XCR1: variants seen among roughly 807,000 people sequenced by gnomAD.
XCR1 encodes the protein chemokine XC receptor 1.
For synonymous variants in XCR1, 187 were observed against 188.5 expected (o/e 0.99, Z 0.06); for missense variants, 356 against 424.2 (o/e 0.84, Z 1.41).
At chr3:46,057,508 A>T (rs1697873689) in intron 4 of XCR1, among the ~76,000 whole-genome samples, 1 of 152,220 alleles carries the variant, frequency 6.6e-6, no homozygotes, top group Non-Finnish European at 1.5e-5. Flanking sequence ...TACTTTAATT[A>T]TACCTTGTGA....
At chr3:46,081,435 T>C (rs1245740662) in intron 1 of XCR1, among the ~76,000 whole-genome samples, 2 of 152,224 alleles carry the variant, frequency 1.3e-5, no homozygotes, top group Non-Finnish European at 2.9e-5. Context: ...TTAAAGGTGA[T>C]ATCCTCCATT....
intron 4 of XCR1, among the ~76,000 whole-genome samples, chr3:46,057,878 G>GTCTATCTA (rs1553634096): frequency 6.4e-5 from 8 of 124,196 alleles, no homozygotes; most frequent in Admixed American, 1.6e-4. Flanking sequence ...CATCTTATCT[G>GTCTATCTA]TCTGTCTATC....
At chr3:46,032,113 G>C (rs1285838335), upstream of XCR1, among the ~76,000 whole-genome samples, 3 of 152,204 alleles carry the variant, frequency 2.0e-5, no homozygotes, top group African/African-American at 7.2e-5. Context: ...AAGAACTTTG[G>C]ACCCACCAAA....
chr3:46,022,067 A>G, intron 1 of XCR1, 89 bp from the exon 2 acceptor site: 2 of 1,165,242 alleles, frequency 1.7e-6, no homozygotes, highest in Non-Finnish European at 1.2e-6. Flanking sequence ...GGAAAGGCCA[A>G]AGGGAGAGGA....
intron 4 of XCR1, among the ~76,000 whole-genome samples, chr3:46,062,083 T>C (rs919774709): frequency 6.6e-6 from 1 of 152,066 alleles, no homozygotes; most frequent in Non-Finnish European, 1.5e-5. Context: ...ACAGAAGACG[T>C]TGAGTCAGCA....
chr3:46,068,765 G>A lies in XCR1; in HGVS notation c.-262-1787C>T, dbSNP rs554010360. 5.4e-5 allele frequency among the ~76,000 whole-genome samples: 8 copies of A among 146,930 alleles called. No homozygotes were observed. The South Asian group carries it at 8.7e-4, about 16-fold the overall frequency. ...ATTTGTTCTCTGCTGTTAGCTGCGG[G>A]TGTCAACATCATGGACGTGTGTGTG... On this transcript the variant is annotated intron_variant, in intron 3 of 5. Transcript: ENST00000683768.
chr3:46,045,635 A>C (rs183982693), intron 5 of XCR1, among the ~76,000 whole-genome samples: 2 of 152,286 alleles, frequency 1.3e-5, no homozygotes, highest in Admixed American at 6.5e-5. Flanking sequence ...GATAAAAAAA[A>C]CTTTTTTTAA....
At position 46,036,050 on chromosome 3, in the gene XCR1, TTGTG is replaced by T. The variant is rs555567940; in HGVS notation, c.-31-14076_-31-14073del. ...CAGTGGTCAGACTGTGTTTTGGTGA[TTGTG>T]TGTGTATCATGGGAAATTAGAATTA... On this transcript the variant is annotated intron_variant, in intron 5 of 5. Coordinates refer to the XCR1 transcript ENST00000683768. Among the ~76,000 whole-genome samples, 15 of 152,340 alleles carry T rather than the reference TTGTG, an allele frequency of 9.8e-5. No individual in the cohort carries two copies. The East Asian group carries it at 2.9e-3, about 29-fold the overall frequency.
intron 5 of XCR1, among the ~76,000 whole-genome samples, chr3:46,033,968 G>T (rs113549434): frequency 4.1e-5 from 5 of 121,438 alleles, no homozygotes; most frequent in Admixed American, 1.5e-4. Flanking sequence ...AGTGTTCATT[G>T]CTGTTTTTTT....
chr3:46,039,418 T>A, intron 5 of XCR1, among the ~76,000 whole-genome samples: 1 of 152,238 alleles, frequency 6.6e-6, no homozygotes, highest in Non-Finnish European at 1.5e-5. Context: ...ACATGTGCAA[T>A]GCGTAACCTA....
chr3:46,039,957 TCTTAC>T (rs1697509532), intron 5 of XCR1, among the ~76,000 whole-genome samples: 1 of 152,192 alleles, frequency 6.6e-6, no homozygotes, highest in Non-Finnish European at 1.5e-5. Context: ...TTTATGGAAA[TCTTAC>T]CTTATGGTAA....
intron 4 of XCR1, among the ~76,000 whole-genome samples, chr3:46,057,120 T>C (rs762695600): frequency 1.3e-5 from 2 of 152,218 alleles, no homozygotes; most frequent in Non-Finnish European, 2.9e-5. Flanking sequence ...TAATGTATGA[T>C]TCCATTGTTT....
In XCR1 at chr3:46,019,172, T is replaced by C. The variant is rs1708097609; in HGVS notation, c.*1774A>G. 2 of 152,208 alleles carry C rather than the reference T, an allele frequency of 1.3e-5. No homozygotes were observed. Among genetic ancestry groups the C allele is most frequent in the African/African-American group, 4.8e-5 (2 of 41,466 alleles). 9.4% of individuals were successfully genotyped at this position (152,208 alleles called of 1,614,324 possible). ...ATCTCTCTACTACTACACCCTACTC[T>C]CTTTCTACTACTCTCTGAGAGTGTA... is the stretch of plus-strand genomic sequence containing the variant. On this transcript the variant is annotated 3_prime_UTR_variant, in exon 2 of 2. Coordinates refer to ENST00000309285, the MANE Select transcript of XCR1 (RefSeq NM_001024644.2).
At chr3:46,036,267 T>C (rs923003619) in intron 5 of XCR1, among the ~76,000 whole-genome samples, 2 of 152,174 alleles carry the variant, frequency 1.3e-5, no homozygotes, top group Admixed American at 6.5e-5. Flanking sequence ...CCAGTGTTCC[T>C]TGGAGTCTGA....
rs768875500 is a variant in XCR1, at chr3:46,021,552, C to T, written c.396G>A (p.Val132=). 1 of 1,610,536 alleles carries T rather than the reference C, an allele frequency of 6.2e-7. No individual in the cohort carries two copies. Among genetic ancestry groups the T allele is most frequent in the Non-Finnish European group, 8.5e-7 (1 of 1,178,226 alleles). ...IMTIHRYLSV[V]SPLSTLRVPT... ...GGACGCGCAGGGTGGAGAGGGGGCT[C>T]ACTACCGACAGGTAGCGGTGGATGG... is the stretch of plus-strand genomic sequence containing the variant. The change falls in exon 2 of 2, where the codon GTG becomes GTA. Residue 132 remains valine, a synonymous_variant. Coordinates refer to ENST00000309285, the MANE Select transcript of XCR1 (RefSeq NM_001024644.2). This position sits in a 1 kb window ranked among gnomAD's most constrained non-coding sequence, Gnocchi z 4.7.
At chr3:46,049,919 T>C (rs923969925) in intron 5 of XCR1, among the ~76,000 whole-genome samples, 1 of 152,258 alleles carries the variant, frequency 6.6e-6, no homozygotes, top group Non-Finnish European at 1.5e-5. Flanking sequence ...GGCTTGTTGC[T>C]GGGAGTCTAC....
At chr3:46,044,588 T>C (rs920518414) in intron 5 of XCR1, among the ~76,000 whole-genome samples, 2 of 151,978 alleles carry the variant, frequency 1.3e-5, no homozygotes, top group Admixed American at 6.5e-5. Flanking sequence ...TTGAAACAAA[T>C]CAATAAAATT....
chr3:46,074,214 C>CTTTTTTTTTTTTTTTTTTTTTTTTTT (rs35124592), intron 3 of XCR1, among the ~76,000 whole-genome samples: 1 of 86,638 alleles, frequency 1.2e-5, no homozygotes, highest in African/African-American at 4.3e-5. Context: ...TGAAGGCCAT[C>CTTTTTTTTTTTTTTTTTTTTTTTTTT]TTTTTTTTTT....
At chr3:46,035,429 G>A (rs1382443410) in intron 5 of XCR1, among the ~76,000 whole-genome samples, 1 of 152,212 alleles carries the variant, frequency 6.6e-6, no homozygotes, top group East Asian at 1.9e-4. Context: ...TCTGTGCCAT[G>A]AGCAACGGGA....
Sources: allele counts gnomAD v4.1 joint callset (sites outside exome capture counted in the v4.1 genomes callset), GRCh38; gene constraint gnomAD v4.1.1; non-coding constraint Gnocchi (gnomAD v3.1); transcripts MANE v1.5; gene names NCBI Gene and HGNC (gene_info 2026-07-23, HGNC 2026-07-21).